Variants in MAP3K13 observed in about 807,000 individuals in gnomAD.
MAP3K13 encodes the protein leucine zipper-bearing kinase.
Under a neutral mutation model 104.0 loss-of-function variants are expected in MAP3K13, and 52 were observed. That is an observed-to-expected ratio of 0.50 (90% CI 0.40 to 0.63). MAP3K13 has a LOEUF of 0.63. MAP3K13 is among the 20% of genes least tolerant of loss of function. The probability of loss-of-function intolerance (pLI) is 0.00; values close to 1 mark genes in which losing one functional copy is unlikely to be tolerated. For synonymous variants in MAP3K13, 394 were observed against 442.2 expected, an observed-to-expected ratio of 0.89 and a Z score of 1.37; for missense variants, 914 against 1,218.5, an observed-to-expected ratio of 0.75 and a Z score of 3.72.
In MAP3K13 at chr3:185,428,962, T is replaced by C; in HGVS notation, c.381T>C (p.Ser127=). The C allele has an allele frequency of 6.2e-7, 1 of 1,614,128 alleles. No individual in the cohort carries two copies. Among genetic ancestry groups the C allele is most frequent in the Non-Finnish European group, 8.5e-7 (1 of 1,180,032 alleles). ...KIQFSRSGSG[S]GGFLEGLFGC... Reference sequence around the variant, plus strand: ...AGTTCAGCAGGTCAGGCAGTGGCAGTGGTGGGTTTCTTGAAGGACTATTTG... The same window carrying C: ...AGTTCAGCAGGTCAGGCAGTGGCAGCGGTGGGTTTCTTGAAGGACTATTTG... The change falls in exon 2 of 14, where the codon AGT becomes AGC. Residue 127 remains serine, a synonymous_variant. Transcript: ENST00000265026.
intron 2 of MAP3K13, among the ~76,000 whole-genome samples, chr3:185,353,284 A>C (rs1273123116): frequency 1.3e-5 from 2 of 152,248 alleles, no homozygotes; most frequent in African/African-American, 4.8e-5. Context: ...GAATCACAGC[A>C]GATTCAGAGA....
rs1042317196 is a variant in MAP3K13 at position 185,314,489 on chromosome 3, G to A, written c.-86+28846G>A. On this transcript the variant is annotated intron_variant, in intron 2 of 14. Transcript: ENST00000424227. ...AAATTAGCTGGGCATCGTGATGCAT[G>A]CCTGTAATCCCAGCTACTCAGGAGG... 2.0e-5 allele frequency among the ~76,000 whole-genome samples: 3 copies of A among 152,162 alleles called. No homozygotes were observed. The East Asian group carries it at 5.8e-4, about 29-fold the overall frequency.
chr3:185,323,921 G>T (rs1005889830), intron 2 of MAP3K13, among the ~76,000 whole-genome samples: 1 of 152,106 alleles, frequency 6.6e-6, no homozygotes, highest in African/African-American at 2.4e-5. Context: ...AATTTGTTAG[G>T]TGAAAATATA....
At chr3:185,400,211 T>C (rs915930476) in intron 1 of MAP3K13, among the ~76,000 whole-genome samples, 5 of 152,190 alleles carry the variant, frequency 3.3e-5, no homozygotes, top group Non-Finnish European at 5.9e-5. Context: ...TGTTTGTGCG[T>C]CTCCCCAAAC....
chr3:185,448,077 C>A, intron 5 of MAP3K13, 130 bp downstream of exon 5: 1 of 1,030,578 alleles, frequency 9.7e-7, no homozygotes, highest in Non-Finnish European at 1.5e-6. Flanking sequence ...TGATTTCAGC[C>A]TCATATTTTC....
chr3:185,382,728 G>A (rs1360742798), intron 1 of MAP3K13, among the ~76,000 whole-genome samples: 2 of 152,208 alleles, frequency 1.3e-5, no homozygotes, highest in Admixed American at 6.5e-5. Flanking sequence ...GTACCGGCCG[G>A]GCGCGGTGGC....
intron 11 of MAP3K13, among the ~76,000 whole-genome samples, chr3:185,476,325 C>G (rs957503674): frequency 1.5e-5 from 2 of 134,458 alleles, no homozygotes; most frequent in African/African-American, 5.8e-5. Context: ...TCTCAGCAGT[C>G]AGGATAACTT....
chr3:185,312,424 C>T (rs951000168), intron 2 of MAP3K13, among the ~76,000 whole-genome samples: 16 of 152,204 alleles, frequency 1.1e-4, no homozygotes, highest in African/African-American at 3.6e-4. Context: ...GGGATTACCC[C>T]TCTGGTTCTA....
intron 8 of MAP3K13, 33 bp from the exon 9 acceptor site, chr3:185,465,714 T>C (rs1717370851): frequency 3.3e-6 from 5 of 1,501,500 alleles, no homozygotes; most frequent in Non-Finnish European, 3.7e-6. Context: ...CCGAAGTTGG[T>C]TGGCTGGGCT....
At position 185,482,781 on chromosome 3, in the gene MAP3K13, T is replaced by C. The variant is rs1560139767; in HGVS notation, c.*325T>C. The C allele has an allele frequency of 4.0e-6, 1 of 247,206 alleles. No individual in the cohort carries two copies. Among genetic ancestry groups the C allele is most frequent in the African/African-American group, 2.2e-5 (1 of 45,332 alleles). The allele number at this position is 247,206 out of a possible 1,614,324, so 15.3% of individuals were successfully genotyped here. ...ACTTTGTACTGCAAAGAGTGAACTA[T>C]ATATGAGATAGAGAGACAATAATTT... is the stretch of plus-strand genomic sequence containing the variant. On this transcript the variant is annotated 3_prime_UTR_variant, in exon 14 of 14. Transcript: ENST00000265026. This position sits in a 1 kb window ranked among gnomAD's most constrained non-coding sequence, Gnocchi z 4.5.
intron 2 of MAP3K13, among the ~76,000 whole-genome samples, chr3:185,356,569 C>G (rs1723360094): frequency 6.6e-6 from 1 of 152,220 alleles, no homozygotes; most frequent in African/African-American, 2.4e-5. Context: ...CGACAGCCCT[C>G]TGCCTACTTG....
intron 2 of MAP3K13, among the ~76,000 whole-genome samples, chr3:185,318,787 A>C (rs1315574229): frequency 6.6e-6 from 1 of 152,210 alleles, no homozygotes; most frequent in African/African-American, 2.4e-5. Flanking sequence ...AAAAATGTTT[A>C]TTAAATGTTG....
intron 2 of MAP3K13, among the ~76,000 whole-genome samples, chr3:185,298,288 A>G (rs1246094018): frequency 6.6e-6 from 1 of 152,184 alleles, no homozygotes; most frequent in East Asian, 1.9e-4. Flanking sequence ...TGAAAGAGGA[A>G]AACTAAATGA....
At chr3:185,413,720 G>C (rs1180022229) in intron 1 of MAP3K13, among the ~76,000 whole-genome samples, 2 of 152,144 alleles carry the variant, frequency 1.3e-5, no homozygotes, top group African/African-American at 4.8e-5. Context: ...TACTCGGGAG[G>C]CTGAGGCAGG....
chr3:185,460,454 G>A (rs1186161471), intron 7 of MAP3K13, among the ~76,000 whole-genome samples: 2 of 152,134 alleles, frequency 1.3e-5, no homozygotes, highest in African/African-American at 4.8e-5. Context: ...CCACTCCTAG[G>A]AAGGTGGCTT....
At chr3:185,471,609 A>G (rs888339992) in intron 10 of MAP3K13, among the ~76,000 whole-genome samples, 1 of 151,208 alleles carries the variant, frequency 6.6e-6, no homozygotes, top group Admixed American at 6.6e-5. Flanking sequence ...ACAGGCGCCC[A>G]CCACCACGCC....
At chr3:185,326,150 C>T (rs1267007733) in intron 2 of MAP3K13, among the ~76,000 whole-genome samples, 1 of 152,162 alleles carries the variant, frequency 6.6e-6, no homozygotes, top group Non-Finnish European at 1.5e-5. Context: ...ATTCTCCACC[C>T]TCCTGCTGGA....
chr3:185,355,491 G>A (rs1182285836), intron 2 of MAP3K13, among the ~76,000 whole-genome samples: 2 of 150,496 alleles, frequency 1.3e-5, no homozygotes, highest in South Asian at 2.1e-4. Context: ...AAAATTAGCC[G>A]GACATAGTGG....
In MAP3K13 at chr3:185,485,197, G is replaced by A. The variant is rs1718659781; in HGVS notation, c.*2741G>A. On this transcript the variant is annotated 3_prime_UTR_variant, in exon 14 of 14. Coordinates refer to ENST00000265026, the MANE Select transcript of MAP3K13 (RefSeq NM_004721.5). ...AGAGAATGATTTAATGTCCTGAGAG[G>A]AACAGACCTAGAGGGTTTCCGCACA... is the stretch of plus-strand genomic sequence containing the variant. 1 of 152,220 alleles carries A rather than the reference G, an allele frequency of 6.6e-6. No individual in the cohort carries two copies. Among genetic ancestry groups the A allele is most frequent in the Non-Finnish European group, 1.5e-5 (1 of 68,040 alleles). 9.4% of individuals were successfully genotyped at this position (152,220 alleles called of 1,614,324 possible).
Sources: allele counts gnomAD v4.1 joint callset (sites outside exome capture counted in the v4.1 genomes callset), GRCh38; gene constraint gnomAD v4.1.1; non-coding constraint Gnocchi (gnomAD v3.1); transcripts MANE v1.5; gene names NCBI Gene and HGNC (gene_info 2026-07-23, HGNC 2026-07-21).